The following RNF213 variants were observed in gnomAD, a reference collection of about 807,000 sequenced individuals.
The protein encoded by RNF213 is ring finger protein 213, also known as E3 ubiquitin-protein ligase RNF213.
A neutral mutation model predicts 514.4 loss-of-function variants in RNF213; 341 were observed. The observed-to-expected ratio is 0.66, with a 90% CI of 0.61 to 0.73. RNF213 has a LOEUF of 0.73. Ranked by LOEUF, RNF213 falls within the 30% of genes least tolerant of loss-of-function variation. RNF213 has a pLI of 0.00. For missense variants in RNF213, 5,767 were observed against 6,615.6 expected (o/e 0.87, Z 4.45); for synonymous variants, 2,655 against 2,658.2 (o/e 1.00, Z 0.04).
Position 80,319,206 on chromosome 17 carries a change from A to G in RNF213, c.2918A>G (p.Gln973Arg). 6.2e-7 allele frequency: 1 copy of G among 1,614,210 alleles called. No homozygotes were observed. The highest frequency in any genetic ancestry group is 8.5e-7 in the Non-Finnish European group (1 of 1,180,032). The change falls in exon 17 of 68, where the codon CAG becomes CGG. Residue 973 changes from glutamine to arginine, a missense_variant. Gln to Arg is a conservative substitution (Grantham distance 43, BLOSUM62 1). Coordinates refer to ENST00000582970, the MANE Select transcript of RNF213 (RefSeq NM_001256071.3). The stretch of plus-strand genomic sequence containing the variant: ...TTTTTGCAGGAGGAACCCCTCTCCC[A>G]GATCACTGCCTACTGCAATAGTTGC... ...WRLTKEEPLS[Q>R]ITAYCNSCWD...
In RNF213 at chr17:80,391,172, C is replaced by T. The variant is rs538105617; in HGVS notation, c.15470+976C>T. Among the ~76,000 whole-genome samples, 3 of 152,270 alleles carry T rather than the reference C, an allele frequency of 2.0e-5. No homozygotes were observed. The South Asian group carries it at 6.2e-4, about 32-fold the overall frequency. ...TTTTACATAGTTGCCAATCTAAAGG[C>T]CAAAATGGTATCTCATTTTCAGTTG... On this transcript the variant is annotated intron_variant, in intron 67 of 67. Transcript: ENST00000582970.
At position 80,364,423 on chromosome 17, in the gene RNF213, C is replaced by G. The variant is rs1444064159; in HGVS notation, c.11751-10C>G. On this transcript the variant is annotated splice_polypyrimidine_tract_variant and intron_variant, in intron 41 of 67. Coordinates refer to ENST00000582970, the MANE Select transcript of RNF213 (RefSeq NM_001256071.3). Reference sequence around the variant, plus strand: ...CGAGTGAGTGAGTGAGTGGCGCCCTCTTTTGACAGAGCCCAGTGGAGTCGG... The same window carrying G: ...CGAGTGAGTGAGTGAGTGGCGCCCTGTTTTGACAGAGCCCAGTGGAGTCGG... 4 of 1,614,142 alleles carry G rather than the reference C, an allele frequency of 2.5e-6. No homozygotes were observed. In the East Asian group the frequency reaches 6.7e-5, roughly 27 times the overall value.
intron 10 of RNF213, among the ~76,000 whole-genome samples, chr17:80,296,971 G>A (rs968898061): frequency 1.3e-5 from 2 of 151,932 alleles, no homozygotes; most frequent in Admixed American, 1.3e-4. Context: ...GAGCCACTGT[G>A]CCTGGCCTGG....
chr17:80,373,771 C>T (rs950896636), intron 49 of RNF213, among the ~76,000 whole-genome samples: 2 of 151,830 alleles, frequency 1.3e-5, no homozygotes, highest in Admixed American at 6.6e-5. Context: ...CCGAGGCAGG[C>T]GGATCACTTG....
chr17:80,395,736 GT>G lies in RNF213; in HGVS notation c.*2240del, dbSNP rs1568182123. ...GTAACCCTTCCAGGAGCCCACTGAC[GT>G]TGGAGTGCTAAAAATGCCCCTTCAG... On this transcript the variant is annotated 3_prime_UTR_variant, in exon 68 of 68. Transcript: ENST00000582970. 1.3e-5 allele frequency: 2 copies of G among 152,232 alleles called. No homozygotes were observed. The highest frequency in any genetic ancestry group is 4.8e-5 in the African/African-American group (2 of 41,456). 9.4% of individuals were successfully genotyped at this position (152,232 alleles called of 1,614,324 possible). A position where few individuals can be genotyped will look rare whatever the true frequency, so the allele number is the denominator to read the frequency against.
rs990913699 is a variant in RNF213 at position 80,317,022 on chromosome 17, C to T, written c.2812-166C>T. ...GAAAGCCAACCTGGGCTGCTGTGACCGGCCACTAGCATGGCTGACTGTTGA... is the reference window on the plus strand; with the variant it reads ...GAAAGCCAACCTGGGCTGCTGTGACTGGCCACTAGCATGGCTGACTGTTGA... On this transcript the variant is annotated intron_variant, in intron 15 of 67. Coordinates refer to ENST00000582970, the MANE Select transcript of RNF213 (RefSeq NM_001256071.3). This position sits in a 1 kb window ranked among gnomAD's most constrained non-coding sequence, Gnocchi z 4.1. 3.3e-5 allele frequency among the ~76,000 whole-genome samples: 5 copies of T among 152,340 alleles called. No individual in the cohort carries two copies. The highest frequency in any genetic ancestry group is 1.3e-4 in the Admixed American group (2 of 15,300).
intron 8 of RNF213, among the ~76,000 whole-genome samples, chr17:80,293,036 T>C (rs1159897309): frequency 6.6e-6 from 1 of 152,098 alleles, no homozygotes; most frequent in Non-Finnish European, 1.5e-5. Flanking sequence ...AGAGTATATA[T>C]TTTTTCGTTT....
chr17:80,380,609 G>A (rs538586962), intron 55 of RNF213, among the ~76,000 whole-genome samples: 12 of 152,240 alleles, frequency 7.9e-5, no homozygotes, highest in African/African-American at 2.9e-4. Flanking sequence ...ACCACACAGC[G>A]CAGCCACCTG....
intron 2 of RNF213, among the ~76,000 whole-genome samples, chr17:80,268,152 T>A (rs1200634926): frequency 6.6e-6 from 1 of 151,974 alleles, no homozygotes; most frequent in African/African-American, 2.4e-5. Context: ...CGAGTAGTGT[T>A]CCATTATGTA....
intron 63 of RNF213, among the ~76,000 whole-genome samples, chr17:80,387,352 C>T (rs1278480921): frequency 4.6e-5 from 7 of 152,192 alleles, no homozygotes; most frequent in African/African-American, 1.4e-4. Context: ...GGGATCCACC[C>T]GCCTAGGCCT....
intron 42 of RNF213, among the ~76,000 whole-genome samples, chr17:80,366,613 T>TA (rs2079283472): frequency 6.6e-6 from 1 of 151,830 alleles, no homozygotes; most frequent in South Asian, 2.1e-4. Context: ...ATATTAAAAA[T>TA]ACACACATCA....
chr17:80,391,357 G>A (rs1379621697), intron 67 of RNF213, among the ~76,000 whole-genome samples: 1 of 152,166 alleles, frequency 6.6e-6, no homozygotes, highest in Non-Finnish European at 1.5e-5. Context: ...TGCAACCGCT[G>A]CCTTCTGGGT....
In RNF213 at chr17:80,353,082, T is replaced by C. The variant is rs1293839699; in HGVS notation, c.10423+23T>C. 4.3e-6 allele frequency: 7 copies of C among 1,609,234 alleles called. No individual in the cohort carries two copies. The South Asian group carries it at 6.6e-5, about 15-fold the overall frequency. ...AGCGTGAGTCACGAGGCGGAGCCCC[T>C]GGGGGAGCAGGTGGTGGAAGGGCAG... On this transcript the variant is annotated intron_variant, in intron 33 of 67. Transcript: ENST00000582970. This position sits in a 1 kb window ranked among gnomAD's most constrained non-coding sequence, Gnocchi z 5.0.
chr17:80,261,405 T>C (rs1485177118), intron 1 of RNF213, among the ~76,000 whole-genome samples: 1 of 152,190 alleles, frequency 6.6e-6, no homozygotes, highest in Non-Finnish European at 1.5e-5. Flanking sequence ...TCCTTCCGAC[T>C]TGGCGAAGTC....
In RNF213 at chr17:80,313,059, A is replaced by G. The variant is rs747899210; in HGVS notation, c.2703A>G (p.Thr901=). ...AAACTGGAAATAATTCAGTCCAAAC[A>G]GTCTTCCAAGGGACCCTTGCTGCTA... ...RDETGNNSVQ[T]VFQGTLAATK... Residue 901 remains threonine, a synonymous_variant, in exon 15 of 68, where the codon ACA becomes ACG. Coordinates refer to ENST00000582970, the MANE Select transcript of RNF213 (RefSeq NM_001256071.3). 6.2e-7 allele frequency: 1 copy of G among 1,614,088 alleles called. No homozygotes were observed. Among genetic ancestry groups the G allele is most frequent in the Non-Finnish European group, 8.5e-7 (1 of 1,180,050 alleles).
At chr17:80,313,243 C>G in intron 15 of RNF213, 76 bp downstream of exon 15, 1 of 1,579,500 alleles carries the variant, frequency 6.3e-7, no homozygotes, top group East Asian at 2.2e-5. Flanking sequence ...TCATGGGGTA[C>G]AGGCTGCTGG....
At position 80,377,864 on chromosome 17, in the gene RNF213, G is replaced by A. The variant is rs371640051; in HGVS notation, c.13545+68G>A. 1,547 of 1,566,568 alleles carry A rather than the reference G, an allele frequency of 9.9e-4. 2 individuals carry two copies. Among genetic ancestry groups the A allele is most frequent in the Middle Eastern group, 1.9e-3 (11 of 5,716 alleles). On this transcript the variant is annotated intron_variant, in intron 54 of 67. Transcript: ENST00000582970. This position sits in a 1 kb window ranked among gnomAD's most constrained non-coding sequence, Gnocchi z 4.1. ...ACTCCTGGGTTGGAGGAGGGGGATC[G>A]TGGGTCAGGAGAGTGAGGCTCTCGG...
chr17:80,316,975 C>G (rs957669816), intron 15 of RNF213, among the ~76,000 whole-genome samples: 1 of 152,200 alleles, frequency 6.6e-6, no homozygotes, highest in Non-Finnish European at 1.5e-5. Context: ...AGTAGTGGCC[C>G]CTGGTTGGGT....
intron 10 of RNF213, among the ~76,000 whole-genome samples, chr17:80,296,771 TCA>T (rs1022978839): frequency 6.6e-6 from 1 of 152,148 alleles, no homozygotes; most frequent in Non-Finnish European, 1.5e-5. Flanking sequence ...AGCTTCAGCC[TCA>T]CAGACTCAGG....
Sources: gnomAD v4.1 joint callset for allele counts (sites outside exome capture counted in the v4.1 genomes callset) on GRCh38, gnomAD v4.1.1 for gene constraint, Gnocchi (gnomAD v3.1) non-coding constraint, MANE v1.5 for transcripts, NCBI Gene and HGNC (gene_info 2026-07-23, HGNC 2026-07-21) for gene names.